The following VPS45 variants were observed in gnomAD, a reference collection of about 807,000 sequenced individuals.
The protein encoded by VPS45 is vacuolar protein sorting-associated protein 45.
A neutral mutation model predicts 75.9 loss-of-function variants in VPS45; 35 were observed. The observed-to-expected ratio is 0.46, with a 90% CI of 0.35 to 0.61. The LOEUF is 0.61. Among genes scored for constraint, VPS45 ranks in the 20% least tolerant of loss-of-function variants. The probability of loss-of-function intolerance (pLI) is 0.00; values close to 1 mark genes in which losing one functional copy is unlikely to be tolerated. For synonymous variants in VPS45, 220 were observed against 238.2 expected (o/e 0.92, Z 0.70); for missense variants, 559 against 685.9 (o/e 0.81, Z 2.07).
chr1:150,122,958 A>G (rs1408425712), intron 14 of VPS45, among the ~76,000 whole-genome samples: 1 of 138,584 alleles, frequency 7.2e-6, no homozygotes, highest in Non-Finnish European at 1.5e-5. Flanking sequence ...ATTACACTCC[A>G]GCCTGGGCAA....
At chr1:150,096,813 T>C (rs1392898535) in intron 13 of VPS45, among the ~76,000 whole-genome samples, 1 of 152,156 alleles carries the variant, frequency 6.6e-6, no homozygotes, top group African/African-American at 2.4e-5. Context: ...TGCAAAGGAC[T>C]TGAAAATACT....
intron 3 of VPS45, among the ~76,000 whole-genome samples, chr1:150,072,776 T>C (rs1401124752): frequency 6.6e-6 from 1 of 152,118 alleles, no homozygotes; most frequent in Non-Finnish European, 1.5e-5. Flanking sequence ...CAAGATGCTT[T>C]GTAAGTCAAA....
At chr1:150,140,740 C>T (rs1659352671) in intron 14 of VPS45, among the ~76,000 whole-genome samples, 1 of 152,084 alleles carries the variant, frequency 6.6e-6, no homozygotes, top group Admixed American at 6.5e-5. Context: ...AGAACTTTTA[C>T]AAAGAGAATG....
At chr1:150,077,534 T>C in intron 6 of VPS45, 135 bp from the exon 7 acceptor site, 1 of 721,570 alleles carries the variant, frequency 1.4e-6, no homozygotes, top group Non-Finnish European at 2.3e-6. Context: ...TGTGAGACTT[T>C]TGAATCCTTC....
At chr1:150,073,493 C>T (rs1374134175) in intron 3 of VPS45, among the ~76,000 whole-genome samples, 3 of 152,178 alleles carry the variant, frequency 2.0e-5, no homozygotes, top group Admixed American at 6.5e-5. Context: ...CAGTGCACGA[C>T]GCCCCAAGAG....
intron 14 of VPS45, among the ~76,000 whole-genome samples, chr1:150,118,139 T>C (rs965350120): frequency 3.3e-5 from 5 of 150,294 alleles, no homozygotes; most frequent in Admixed American, 2.0e-4. Flanking sequence ...CAAAAATTAG[T>C]TGGGTGTGAT....
At chr1:150,077,423 A>C in intron 6 of VPS45, 192 bp downstream of exon 6, 1 of 830,668 alleles carries the variant, frequency 1.2e-6, no homozygotes, top group Non-Finnish European at 1.8e-6. Flanking sequence ...GGTTTAACCC[A>C]AGAAACATTC....
intron 10 of VPS45, among the ~76,000 whole-genome samples, chr1:150,086,839 A>G (rs1164140661): frequency 1.3e-5 from 2 of 152,098 alleles, no homozygotes; most frequent in African/African-American, 4.8e-5. Flanking sequence ...TTGTCAGATC[A>G]GCATGTGGAA....
chr1:150,075,010 G>A (rs1553797763), intron 3 of VPS45, among the ~76,000 whole-genome samples: 11 of 110,350 alleles, frequency 1.0e-4, no homozygotes, highest in Admixed American at 1.3e-4. Context: ...CACCCAGACA[G>A]AGTGCAGTGG....
chr1:150,123,352 G>C (rs1426706640), intron 14 of VPS45, among the ~76,000 whole-genome samples: 1 of 152,110 alleles, frequency 6.6e-6, no homozygotes, highest in Non-Finnish European at 1.5e-5. Context: ...TTTTGTGTGC[G>C]TTAATAGGGT....
Position 150,144,833 on chromosome 1 carries a change from G to A in VPS45, c.*37G>A. The stretch of plus-strand genomic sequence containing the variant: ...GGGGAAGGGCACAGCTTCCTCTCTT[G>A]TCCCCACTACAGGTTTTCCCTACTA... On this transcript the variant is annotated 3_prime_UTR_variant, in exon 15 of 15. Transcript: ENST00000644510. The A allele has an allele frequency of 6.2e-7, 1 of 1,613,508 alleles. No homozygotes were observed. The highest frequency in any genetic ancestry group is 8.5e-7 in the Non-Finnish European group (1 of 1,179,864).
At chr1:150,107,619 T>C (rs1553806075) in intron 13 of VPS45, among the ~76,000 whole-genome samples, 4 of 152,162 alleles carry the variant, frequency 2.6e-5, no homozygotes, top group African/African-American at 9.7e-5. Context: ...CAAATTTGGC[T>C]GGGCATGGTG....
intron 14 of VPS45, among the ~76,000 whole-genome samples, chr1:150,136,249 CA>C (rs1559946668): frequency 7.3e-6 from 1 of 137,216 alleles, no homozygotes; most frequent in African/African-American, 2.8e-5. Context: ...ACTCTGTCTA[CA>C]AAAAAAAAAA....
At chr1:150,092,985 G>A (rs1397298275) in intron 12 of VPS45, among the ~76,000 whole-genome samples, 1 of 146,886 alleles carries the variant, frequency 6.8e-6, no homozygotes, top group Non-Finnish European at 1.5e-5. Flanking sequence ...TGGGACTACA[G>A]GCATACACCA....
chr1:150,143,632 A>G (rs1166504460), intron 14 of VPS45, among the ~76,000 whole-genome samples: 1 of 152,114 alleles, frequency 6.6e-6, no homozygotes, highest in African/African-American at 2.4e-5. Flanking sequence ...ATAGTCAAAC[A>G]TAGGACATAG....
At chr1:150,132,360 C>T (rs1309860377) in intron 14 of VPS45, among the ~76,000 whole-genome samples, 1 of 152,148 alleles carries the variant, frequency 6.6e-6, no homozygotes, top group Non-Finnish European at 1.5e-5. Context: ...TATAGTGAGA[C>T]AGAAGTGACC....
chr1:150,070,567 C>G (rs1469905042), intron 2 of VPS45, among the ~76,000 whole-genome samples: 1 of 150,862 alleles, frequency 6.6e-6, no homozygotes, highest in Non-Finnish European at 1.5e-5. Flanking sequence ...CCAAGGCAGG[C>G]GGATCACGAG....
Position 150,082,834 on chromosome 1 carries a change from A to T in VPS45, c.1055A>T (p.Glu352Val). ...GAACGGAATCTGCTGGAGGTTTCAG[A>T]GGTTGAGCAAGAACTGGCCTGTCAA... ...VSERNLLEVS[E>V]VEQELACQND... Residue 352 changes from glutamate to valine, a missense_variant, in exon 10 of 15, where the codon GAG becomes GTG. Glu to Val is a moderately radical substitution (Grantham distance 121). Transcript: ENST00000644510. The T allele has an allele frequency of 6.2e-7, 1 of 1,614,152 alleles. No homozygotes were observed. Among genetic ancestry groups the T allele is most frequent in the Non-Finnish European group, 8.5e-7 (1 of 1,180,028 alleles).
intron 3 of VPS45, among the ~76,000 whole-genome samples, chr1:150,075,976 T>G (rs587608808): frequency 1.1e-4 from 17 of 151,478 alleles, no homozygotes; most frequent in African/African-American, 4.1e-4. Flanking sequence ...ATGGTCTCGA[T>G]CTCCTGACCT....
Sources: allele counts gnomAD v4.1 joint callset (sites outside exome capture counted in the v4.1 genomes callset), GRCh38; gene constraint gnomAD v4.1.1; transcripts MANE v1.5; gene names NCBI Gene and HGNC (gene_info 2026-07-23, HGNC 2026-07-21).